AFF2: variants seen among roughly 807,000 people sequenced by gnomAD.
AFF2 encodes the protein AF4/FMR2 family member 2.
A neutral mutation model predicts 76.9 loss-of-function variants in AFF2; 14 were observed. That is an observed-to-expected ratio of 0.18 (90% CI 0.12 to 0.28). The LOEUF (loss-of-function observed/expected upper bound fraction) is 0.28, where lower values mean the gene tolerates loss of function less well. Among genes scored for constraint, AFF2 ranks in the 10% least tolerant of loss-of-function variants. The probability of loss-of-function intolerance (pLI) is 1.00; values close to 1 mark genes in which losing one functional copy is unlikely to be tolerated. For missense variants in AFF2, 868 were observed against 1,001.1 expected (o/e 0.87, Z 1.79); for synonymous variants, 398 against 366.7 (o/e 1.09, Z -0.98).
rs1045124980 is a variant in AFF2 at position 148,991,485 on chromosome X, T to C, written c.*153T>C. On this transcript the variant is annotated 3_prime_UTR_variant, in exon 21 of 21. Transcript: ENST00000370460. ...TGTTATCTGTAAAAAACAGAAGTCA[T>C]TGTAAGTTGACACTACAACTTAAGG... 7 of 708,362 alleles carry C rather than the reference T, an allele frequency of 9.9e-6. No individual in the cohort carries two copies. In the East Asian group the frequency reaches 1.1e-4, roughly 12 times the overall value. The allele number at this position is 708,362 out of a possible 1,213,427, so 58.4% of individuals were successfully genotyped here. A position where few individuals can be genotyped will look rare whatever the true frequency, so the allele number is the denominator to read the frequency against.
intron 1 of AFF2, among the ~76,000 whole-genome samples, chrX:148,517,668 C>A (rs2052550976): frequency 9.0e-6 from 1 of 111,367 alleles, no homozygotes. Flanking sequence ...ATTATAAAAC[C>A]CTGAATTCAA....
intron 3 of AFF2, among the ~76,000 whole-genome samples, chrX:148,668,843 T>C (rs1425123858): frequency 2.7e-5 from 3 of 112,484 alleles, no homozygotes; most frequent in Non-Finnish European, 5.6e-5. Context: ...AGGGTTAACA[T>C]TCGGCTCCTT....
intron 3 of AFF2, among the ~76,000 whole-genome samples, chrX:148,773,262 T>G (rs1454034417): frequency 9.0e-6 from 1 of 111,399 alleles, no homozygotes; most frequent in Non-Finnish European, 1.9e-5. Context: ...TTAGATATCA[T>G]GCAATTTTTG....
chrX:148,991,083 A>G, intron 20 of AFF2, 128 bp from the exon 21 acceptor site: 1 of 746,067 alleles, frequency 1.3e-6, no homozygotes. Context: ...TGAATGAATG[A>G]ATGGACAAAT....
chrX:148,679,117 A>C (rs782468128), intron 3 of AFF2, among the ~76,000 whole-genome samples: 1 of 108,416 alleles, frequency 9.2e-6, no homozygotes, highest in Non-Finnish European at 1.9e-5. Flanking sequence ...TTTTAACTGC[A>C]ACATAATTCA....
At chrX:148,750,787 C>A (rs2055488646) in intron 3 of AFF2, among the ~76,000 whole-genome samples, 1 of 111,957 alleles carries the variant, frequency 8.9e-6, no homozygotes, top group Admixed American at 9.5e-5. Context: ...AACTGGAGAA[C>A]TGAGTACAGT....
chrX:148,816,603 G>A (rs1248526297), intron 4 of AFF2, among the ~76,000 whole-genome samples: 7 of 111,201 alleles, frequency 6.3e-5, no homozygotes, highest in Non-Finnish European at 9.4e-5. Flanking sequence ...TTGGAGATGG[G>A]AGCTTCCATG....
intron 1 of AFF2, among the ~76,000 whole-genome samples, chrX:148,515,797 C>T (rs1005300170): frequency 1.7e-4 from 19 of 111,322 alleles, no homozygotes; most frequent in African/African-American, 6.2e-4. Context: ...ATTCATGTCC[C>T]AGCAGTGGTA....
chrX:148,918,719 G>A (rs1427395396), intron 9 of AFF2, among the ~76,000 whole-genome samples: 1 of 111,690 alleles, frequency 9.0e-6, no homozygotes, highest in Non-Finnish European at 1.9e-5. Context: ...ACACATCTGC[G>A]AACTCTGGTG....
intron 3 of AFF2, among the ~76,000 whole-genome samples, chrX:148,755,358 T>C (rs2055549666): frequency 8.9e-6 from 1 of 111,845 alleles, no homozygotes; most frequent in African/African-American, 3.3e-5. Context: ...GGGCCTTAAG[T>C]CTGACCTAGC....
At chrX:148,897,860 G>A (rs2071312668) in intron 8 of AFF2, among the ~76,000 whole-genome samples, 1 of 110,580 alleles carries the variant, frequency 9.0e-6, no homozygotes, top group Admixed American at 9.7e-5. Context: ...CACTTACATT[G>A]GGCCTCCTGA....
chrX:148,622,538 A>G (rs1457587939), intron 1 of AFF2, among the ~76,000 whole-genome samples: 7 of 111,465 alleles, frequency 6.3e-5, no homozygotes, highest in African/African-American at 2.3e-4. Flanking sequence ...CTTCCCAGCA[A>G]CACCTAAACT....
intron 1 of AFF2, among the ~76,000 whole-genome samples, chrX:148,600,508 C>A (rs1557247925): frequency 1.8e-5 from 2 of 111,926 alleles, no homozygotes; most frequent in Non-Finnish European, 3.8e-5. Flanking sequence ...AAATACTGAG[C>A]ACTTTATTTG....
At chrX:148,988,882 CTG>C (rs1269413543) in intron 20 of AFF2, among the ~76,000 whole-genome samples, 1 of 112,175 alleles carries the variant, frequency 8.9e-6, no homozygotes, top group Non-Finnish European at 1.9e-5. Flanking sequence ...CATGAGGAAA[CTG>C]AGGCTCTATG....
intron 3 of AFF2, among the ~76,000 whole-genome samples, chrX:148,791,387 A>G (rs1368013874): frequency 1.8e-5 from 2 of 111,655 alleles, no homozygotes; most frequent in African/African-American, 3.3e-5. Context: ...ATTCACTGCC[A>G]TGGGAACAGC....
At chrX:148,983,179 T>A (rs1208897295) in intron 19 of AFF2, among the ~76,000 whole-genome samples, 1 of 112,012 alleles carries the variant, frequency 8.9e-6, no homozygotes, top group Non-Finnish European at 1.9e-5. Flanking sequence ...GTGGAGAGTT[T>A]AAAAAGGCTG....
At chrX:148,820,791 CT>C (rs1229949529) in intron 4 of AFF2, among the ~76,000 whole-genome samples, 1 of 111,609 alleles carries the variant, frequency 9.0e-6, no homozygotes, top group African/African-American at 3.3e-5. Context: ...TGTTTACCCC[CT>C]GAACTTAAAT....
intron 10 of AFF2, among the ~76,000 whole-genome samples, chrX:148,955,064 G>T (rs1319431662): frequency 4.4e-5 from 5 of 112,670 alleles, no homozygotes; most frequent in African/African-American, 1.6e-4. Flanking sequence ...AAATCTTTTT[G>T]TCCTTCAGTA....
intron 9 of AFF2, among the ~76,000 whole-genome samples, chrX:148,934,976 T>C (rs1557284844): frequency 9.0e-6 from 1 of 111,459 alleles, no homozygotes; most frequent in Non-Finnish European, 1.9e-5. Flanking sequence ...TGAATATACA[T>C]ATATGGATGG....
Sources: allele counts gnomAD v4.1 joint callset (sites outside exome capture counted in the v4.1 genomes callset), GRCh38; gene constraint gnomAD v4.1.1; transcripts MANE v1.5; gene names NCBI Gene and HGNC (gene_info 2026-07-23, HGNC 2026-07-21).